Variants in MATCAP2 observed in about 807,000 individuals in gnomAD.
MATCAP2 encodes the protein putative tyrosine carboxypeptidase MATCAP2.
the MATCAP2 span, among the ~76,000 whole-genome samples, chr7:36,369,889 G>T: frequency 1.3e-5 from 2 of 152,030 alleles, no homozygotes; most frequent in African/African-American, 4.8e-5. Flanking sequence ...TGCCTCTGTA[G>T]TTAGCCTACC....
the MATCAP2 span, among the ~76,000 whole-genome samples, chr7:36,364,175 G>A: frequency 0.36 from 54,741 of 150,528 alleles, 10,302 homozygotes; most frequent in Non-Finnish European, 0.42. Context: ...AACCTCTGCC[G>A]CCTGGGCGCT....
At chr7:36,356,343 C>T in the MATCAP2 span, 1 of 159,282 alleles carries the variant, frequency 6.3e-6, no homozygotes, top group Admixed American at 6.0e-5. Flanking sequence ...GGTGAAACCC[C>T]ATCTTCACTA....
At chr7:36,383,087 A>G in the MATCAP2 span, among the ~76,000 whole-genome samples, 4 of 152,224 alleles carry the variant, frequency 2.6e-5, no homozygotes, top group African/African-American at 9.6e-5. Flanking sequence ...TCACTCTGGA[A>G]TCTGAAACAT....
the MATCAP2 span, among the ~76,000 whole-genome samples, chr7:36,373,199 C>CA: frequency 6.6e-6 from 1 of 150,962 alleles, no homozygotes; most frequent in Non-Finnish European, 1.5e-5. Context: ...GTAAGTAAAT[C>CA]AGAGTCCCAG....
At chr7:36,364,354 G>A in the MATCAP2 span, among the ~76,000 whole-genome samples, 1 of 152,058 alleles carries the variant, frequency 6.6e-6, no homozygotes, top group Non-Finnish European at 1.5e-5. Flanking sequence ...CTCACAAACT[G>A]CTGGGATTAC....
At chr7:36,361,011 A>G in the MATCAP2 span, among the ~76,000 whole-genome samples, 1 of 152,208 alleles carries the variant, frequency 6.6e-6, no homozygotes, top group Non-Finnish European at 1.5e-5. Flanking sequence ...ATTTGTTGAT[A>G]GAAGAAAATC....
At chr7:36,373,675 G>A in the MATCAP2 span, among the ~76,000 whole-genome samples, 1 of 152,062 alleles carries the variant, frequency 6.6e-6, no homozygotes, top group South Asian at 2.1e-4. Context: ...GGGACTCTTG[G>A]CCTCAAGCAG....
the MATCAP2 span, among the ~76,000 whole-genome samples, chr7:36,349,190 A>G: frequency 6.6e-6 from 1 of 152,312 alleles, no homozygotes; most frequent in South Asian, 2.1e-4. Flanking sequence ...AGGTGAGATG[A>G]TCAAATTTGC....
At chr7:36,389,677 C>A in the MATCAP2 span, 1 of 243,662 alleles carries the variant, frequency 4.1e-6, no homozygotes, top group Non-Finnish European at 7.8e-6. Context: ...CCCCGCTGCC[C>A]GCCTCCACCC....
the MATCAP2 span, among the ~76,000 whole-genome samples, chr7:36,337,098 CAAAAAAAAAAAA>C: frequency 1.5e-3 from 27 of 18,534 alleles, 2 homozygotes; most frequent in Admixed American, 0.013. Context: ...AACTCCATCT[CAAAAAAAAAAAA>C]AAAAAAAAAA....
the MATCAP2 span, chr7:36,357,506 C>G: frequency 6.2e-7 from 1 of 1,614,012 alleles, no homozygotes; most frequent in South Asian, 1.1e-5. Context: ...ATGTGAAATG[C>G]TTCTTTTGTT....
chr7:36,336,364 T>C, the MATCAP2 span: 1 of 1,116,416 alleles, frequency 9.0e-7, no homozygotes, highest in South Asian at 1.5e-5. Flanking sequence ...ATAAGCTAGC[T>C]ATGTTATTTA....
the MATCAP2 span, among the ~76,000 whole-genome samples, chr7:36,373,034 G>C: frequency 1.2e-4 from 18 of 151,790 alleles, no homozygotes; most frequent in Non-Finnish European, 1.2e-4. Flanking sequence ...GAATCCCAGG[G>C]GCGGAGGTTG....
the MATCAP2 span, among the ~76,000 whole-genome samples, chr7:36,381,398 C>T: frequency 1.3e-3 from 196 of 152,134 alleles, no homozygotes; most frequent in Non-Finnish European, 2.3e-3. Context: ...AGGCCAGGTG[C>T]GGTGGCTCAT....
chr7:36,367,177 C>A, the MATCAP2 span: 1 of 1,198,498 alleles, frequency 8.3e-7, no homozygotes, highest in South Asian at 4.2e-5. Context: ...GGCGGCCTTA[C>A]GGTGCCCAGC....
the MATCAP2 span, among the ~76,000 whole-genome samples, chr7:36,376,070 T>A: frequency 6.6e-6 from 1 of 152,226 alleles, no homozygotes; most frequent in South Asian, 2.1e-4. Flanking sequence ...TTTGAAGGGT[T>A]TTTTGTGTCT....
the MATCAP2 span, among the ~76,000 whole-genome samples, chr7:36,388,297 G>A: frequency 1.4e-5 from 2 of 145,232 alleles, no homozygotes; most frequent in East Asian, 2.1e-4. Flanking sequence ...CCCCACAAAG[G>A]TTAAAAAAAA....
the MATCAP2 span, chr7:36,336,367 G>A: frequency 8.8e-7 from 1 of 1,140,828 alleles, no homozygotes; most frequent in South Asian, 1.6e-5. Context: ...AGCTAGCTAT[G>A]TTATTTATTG....
chr7:36,379,205 G>A, the MATCAP2 span, among the ~76,000 whole-genome samples: 302 of 152,304 alleles, frequency 2.0e-3, 2 homozygotes, highest in East Asian at 8.3e-3. Flanking sequence ...GCTGCAGACC[G>A]GAGCTGTTCC....
Sources: allele counts gnomAD v4.1 joint callset (sites outside exome capture counted in the v4.1 genomes callset), GRCh38; gene constraint gnomAD v4.1.1; transcripts MANE v1.5; gene names NCBI Gene and HGNC (gene_info 2026-07-23, HGNC 2026-07-21).